The following C12orf54 variants were observed in gnomAD, a reference collection of about 807,000 sequenced individuals.
C12orf54 encodes the protein uncharacterized protein C12orf54.
A neutral mutation model predicts 26.4 loss-of-function variants in C12orf54; 24 were observed. The observed-to-expected ratio is 0.91, with a 90% CI of 0.66 to 1.28. C12orf54 has a LOEUF of 1.28. Among genes scored for constraint, C12orf54 ranks in the 50% most tolerant of loss-of-function variants. C12orf54 has a pLI of 0.00. For missense variants in C12orf54, 154 were observed against 150.9 expected, an observed-to-expected ratio of 1.02 and a Z score of -0.11; for synonymous variants, 54 against 47.0, an observed-to-expected ratio of 1.15 and a Z score of -0.61.
At chr12:48,434,699 G>A in the C12orf54 span, among the ~76,000 whole-genome samples, 1 of 152,178 alleles carries the variant, frequency 6.6e-6, no homozygotes, top group East Asian at 1.9e-4. Flanking sequence ...GCAGCTGAGG[G>A]TCCTGACTGT....
the C12orf54 span, among the ~76,000 whole-genome samples, chr12:48,449,428 G>T: frequency 6.6e-6 from 1 of 152,274 alleles, no homozygotes; most frequent in Non-Finnish European, 1.5e-5. Flanking sequence ...AAGTTGGAAA[G>T]TAAGTCACTA....
the C12orf54 span, among the ~76,000 whole-genome samples, chr12:48,441,477 C>T: frequency 6.6e-6 from 1 of 151,924 alleles, no homozygotes; most frequent in Non-Finnish European, 1.5e-5. Context: ...AAAAAAAATC[C>T]TAAGAGAGTA....
the C12orf54 span, among the ~76,000 whole-genome samples, chr12:48,459,955 C>T: frequency 2.0e-5 from 3 of 151,686 alleles, no homozygotes; most frequent in East Asian, 6.0e-4. Context: ...GTTACTCAGA[C>T]TCAAGTCCCC....
the C12orf54 span, among the ~76,000 whole-genome samples, chr12:48,418,767 T>G: frequency 2.6e-5 from 4 of 152,198 alleles, no homozygotes; most frequent in African/African-American, 9.6e-5. Context: ...ATTTTTCTGT[T>G]GTTTAGTTCT....
the C12orf54 span, among the ~76,000 whole-genome samples, chr12:48,434,923 C>T: frequency 1.3e-5 from 2 of 152,194 alleles, no homozygotes; most frequent in East Asian, 1.9e-4. Context: ...ATGACTTTGA[C>T]GAGTTGAGAG....
At chr12:48,435,089 A>G in the C12orf54 span, among the ~76,000 whole-genome samples, 1 of 152,236 alleles carries the variant, frequency 6.6e-6, no homozygotes, top group African/African-American at 2.4e-5. Context: ...GCTGAAAACT[A>G]TGGCACGAGA....
At chr12:48,439,236 A>C in the C12orf54 span, among the ~76,000 whole-genome samples, 1 of 152,250 alleles carries the variant, frequency 6.6e-6, no homozygotes, top group Admixed American at 6.5e-5. Flanking sequence ...ATCATTAAAA[A>C]GTCAGGAAAC....
intron 2 of C12orf54, among the ~76,000 whole-genome samples, chr12:48,484,382 C>A (rs1188152527): frequency 1.3e-5 from 2 of 152,088 alleles, no homozygotes; most frequent in Admixed American, 6.6e-5. Context: ...GCTGCAGGAC[C>A]TTGAGGAAAA....
the C12orf54 span, among the ~76,000 whole-genome samples, chr12:48,447,212 C>CTGTGTGTATGTGTGTGTGTGTG: frequency 1.5e-4 from 14 of 90,972 alleles, no homozygotes; most frequent in African/African-American, 4.1e-4. Context: ...CTCTCTTACT[C>CTGTGTGTATGTGTGTGTGTGTG]TGTGTGTGTG....
intron 3 of C12orf54, 68 bp downstream of exon 3, chr12:48,486,276 G>A (rs1275424248): frequency 1.3e-6 from 2 of 1,510,470 alleles, no homozygotes; most frequent in African/African-American, 2.8e-5. Context: ...GGGAGGAGAA[G>A]AGGTTGTAGA....
At chr12:48,418,325 C>T in the C12orf54 span, among the ~76,000 whole-genome samples, 1 of 152,136 alleles carries the variant, frequency 6.6e-6, no homozygotes, top group Non-Finnish European at 1.5e-5. Flanking sequence ...CATCAATAAG[C>T]GTGTGCTAGG....
At chr12:48,457,310 G>GT in the C12orf54 span, among the ~76,000 whole-genome samples, 3 of 137,460 alleles carry the variant, frequency 2.2e-5, no homozygotes, top group Admixed American at 2.1e-4. Context: ...TGGTGGTGGT[G>GT]GTTTTTTATT....
the C12orf54 span, among the ~76,000 whole-genome samples, chr12:48,424,428 A>G: frequency 2.0e-5 from 3 of 152,060 alleles, no homozygotes; most frequent in African/African-American, 7.2e-5. Context: ...CTTTCTATAA[A>G]TGTTTGTTAA....
chr12:48,451,639 A>G, the C12orf54 span, among the ~76,000 whole-genome samples: 107 of 152,352 alleles, frequency 7.0e-4, no homozygotes, highest in Admixed American at 3.1e-3. Context: ...CAACTTCAGC[A>G]AAGTCTCAGG....
At chr12:48,484,171 G>A (rs1196987556) in intron 2 of C12orf54, among the ~76,000 whole-genome samples, 3 of 152,264 alleles carry the variant, frequency 2.0e-5, no homozygotes, top group South Asian at 2.1e-4. Context: ...CTCCAGCCTG[G>A]GCAATAAGAG....
At chr12:48,415,743 C>T in the C12orf54 span, among the ~76,000 whole-genome samples, 1 of 152,108 alleles carries the variant, frequency 6.6e-6, no homozygotes, top group East Asian at 1.9e-4. Flanking sequence ...ATACTCCATA[C>T]ACCCCATATA....
Position 48,494,782 on chromosome 12 carries a change from C to T in C12orf54, c.243-16C>T. 6.2e-7 allele frequency: 1 copy of T among 1,612,202 alleles called. No individual in the cohort carries two copies. Among genetic ancestry groups the T allele is most frequent in the East Asian group, 2.2e-5 (1 of 44,876 alleles). On this transcript the variant is annotated splice_polypyrimidine_tract_variant and intron_variant, in intron 7 of 8. Transcript: ENST00000548364. ...CTCTTTCCCTCATGTCTACAACTTT[C>T]TCTATTTTGGCACAGAAGCATAAGG...
chr12:48,415,832 T>C, the C12orf54 span, among the ~76,000 whole-genome samples: 1 of 152,156 alleles, frequency 6.6e-6, no homozygotes, highest in Non-Finnish European at 1.5e-5. Context: ...CACTCTGATA[T>C]CTAATACAGA....
At chr12:48,479,603 G>GA (rs561701554), upstream of C12orf54, among the ~76,000 whole-genome samples, 1 of 145,630 alleles carries the variant, frequency 6.9e-6, no homozygotes, top group African/African-American at 2.5e-5. Context: ...GTTTTGTTTT[G>GA]TTTTTTTTTT....
Sources: allele counts gnomAD v4.1 joint callset (sites outside exome capture counted in the v4.1 genomes callset), GRCh38; gene constraint gnomAD v4.1.1; transcripts MANE v1.5; gene names NCBI Gene and HGNC (gene_info 2026-07-23, HGNC 2026-07-21).